Variants in CEP57 observed in about 807,000 individuals in gnomAD.
The protein encoded by CEP57 is centrosomal protein 57, also known as centrosomal protein of 57 kDa.
Under a neutral mutation model 68.0 loss-of-function variants are expected in CEP57, and 40 were observed. The ratio of observed to expected loss-of-function variants is 0.59; its 90% CI spans 0.46 to 0.77. The LOEUF (loss-of-function observed/expected upper bound fraction) is 0.77, where lower values mean the gene tolerates loss of function less well. CEP57 is among the 30% of genes least tolerant of loss of function. The probability of loss-of-function intolerance (pLI) is 0.00; values close to 1 mark genes in which losing one functional copy is unlikely to be tolerated. For missense variants in CEP57, 606 were observed against 580.7 expected (o/e 1.04, Z -0.45); for synonymous variants, 219 against 198.7 (o/e 1.10, Z -0.86).
At chr11:95,797,106 C>G (rs1434770721) in intron 1 of CEP57, among the ~76,000 whole-genome samples, 1 of 151,942 alleles carries the variant, frequency 6.6e-6, no homozygotes, top group Non-Finnish European at 1.5e-5. Flanking sequence ...TGTCCCTTAC[C>G]TCCCCTAAGG....
chr11:95,824,250 AT>A (rs201670241), intron 8 of CEP57, among the ~76,000 whole-genome samples: 2 of 151,766 alleles, frequency 1.3e-5, no homozygotes, highest in Non-Finnish European at 2.9e-5. Flanking sequence ...TCTTTAAAAA[AT>A]TTTTTTTAAA....
chr11:95,802,455 A>C (rs1181577878), intron 2 of CEP57, among the ~76,000 whole-genome samples: 1 of 151,958 alleles, frequency 6.6e-6, no homozygotes, highest in African/African-American at 2.4e-5. Context: ...GGGTTTAACC[A>C]TGTTGGCCAG....
At chr11:95,825,870 TTCTGTAATCCC>T (rs1862720652) in intron 8 of CEP57, 1 of 152,204 alleles carries the variant, frequency 6.6e-6, no homozygotes, top group African/African-American at 2.4e-5. Flanking sequence ...AGTGCTGGGA[TTCTGTAATCCC>T]ACTGTAATCC....
chr11:95,811,580 TAAAA>T (rs57349391), intron 2 of CEP57, among the ~76,000 whole-genome samples: 2 of 132,778 alleles, frequency 1.5e-5, no homozygotes, highest in African/African-American at 5.5e-5. Context: ...AAAGTATAAT[TAAAA>T]AAAAAAAAAA....
chr11:95,813,164 T>G, intron 3 of CEP57, 53 bp downstream of exon 3: 1 of 1,530,956 alleles, frequency 6.5e-7, no homozygotes, highest in Non-Finnish European at 9.0e-7. Flanking sequence ...TGTGCAGTAT[T>G]AAGTATTCTA....
intron 2 of CEP57, among the ~76,000 whole-genome samples, chr11:95,808,868 C>T (rs1861926729): frequency 6.6e-6 from 1 of 152,182 alleles, no homozygotes; most frequent in Non-Finnish European, 1.5e-5. Flanking sequence ...TAGACATCTA[C>T]AGAACTCTCC....
At chr11:95,829,143 AAC>A in intron 9 of CEP57, 42 bp from the exon 10 acceptor site, 1 of 1,609,242 alleles carries the variant, frequency 6.2e-7, no homozygotes, top group Non-Finnish European at 8.5e-7. Context: ...CTAACCATGA[AAC>A]ACAGAAAACT....
At chr11:95,794,667 A>T (rs1861260498) in intron 1 of CEP57, among the ~76,000 whole-genome samples, 1 of 151,928 alleles carries the variant, frequency 6.6e-6, no homozygotes, top group African/African-American at 2.4e-5. Context: ...CTGGTCTTTG[A>T]TATCTTTCGA....
chr11:95,795,690 C>T, intron 1 of CEP57: 1 of 427,980 alleles, frequency 2.3e-6, no homozygotes, highest in Non-Finnish European at 4.1e-6. Context: ...AAAATAATGG[C>T]TGGATGTTGA....
chr11:95,804,959 T>A (rs925144192), intron 2 of CEP57, among the ~76,000 whole-genome samples: 3 of 152,178 alleles, frequency 2.0e-5, no homozygotes, highest in Non-Finnish European at 4.4e-5. Flanking sequence ...CGTTACGCAT[T>A]TAAACAGGGA....
intron 8 of CEP57, chr11:95,826,755 G>C (rs1234792419): frequency 6.6e-6 from 1 of 152,132 alleles, no homozygotes; most frequent in South Asian, 2.1e-4. Context: ...TGTACTCATA[G>C]GCAATTAGTA....
At chr11:95,799,421 T>G in intron 2 of CEP57, 33 bp downstream of exon 2, 3 of 1,612,482 alleles carry the variant, frequency 1.9e-6, no homozygotes, top group Non-Finnish European at 2.5e-6. Context: ...ATGTTATTTG[T>G]GTTTTCTTGC....
intron 8 of CEP57, among the ~76,000 whole-genome samples, chr11:95,823,507 C>T (rs1862598608): frequency 6.6e-6 from 1 of 151,926 alleles, no homozygotes; most frequent in Non-Finnish European, 1.5e-5. Context: ...TTGACTATGT[C>T]AATACTAGTG....
intron 1 of CEP57, among the ~76,000 whole-genome samples, chr11:95,791,784 A>G (rs978273740): frequency 6.6e-5 from 10 of 152,152 alleles, no homozygotes; most frequent in African/African-American, 2.2e-4. Context: ...AAAGGAGAAA[A>G]AGGCAGTGCG....
Position 95,829,314 on chromosome 11 carries a change from C to A in CEP57, c.1255C>A (p.Arg419=). ...AAAAGCCAACCAAATAACTAAAGTTCGAAAATACCAAGCCCAGGTAACTCA... is the reference window on the plus strand; with the variant it reads ...AAAAGCCAACCAAATAACTAAAGTTAGAAAATACCAAGCCCAGGTAACTCA... ...EAKANQITKV[R]KYQAQLEKQK... Residue 419 remains arginine (R), a synonymous_variant, in exon 10 of 11, where the codon CGA becomes AGA. Coordinates refer to ENST00000325542, the MANE Select transcript of CEP57 (RefSeq NM_014679.5). 6.2e-7 allele frequency: 1 copy of A among 1,613,360 alleles called. No individual in the cohort carries two copies.
At chr11:95,829,860 G>C (rs1289743597) in intron 10 of CEP57, among the ~76,000 whole-genome samples, 1 of 152,180 alleles carries the variant, frequency 6.6e-6, no homozygotes, top group African/African-American at 2.4e-5. Context: ...GAGAGGCTGA[G>C]AGATCAGCTA....
At chr11:95,791,119 T>C (rs886121973) in intron 1 of CEP57, among the ~76,000 whole-genome samples, 1 of 152,168 alleles carries the variant, frequency 6.6e-6, no homozygotes, top group Non-Finnish European at 1.5e-5. Flanking sequence ...CCAGATCAGG[T>C]GAGGCGCGCC....
At chr11:95,805,319 A>C (rs1425669303) in intron 2 of CEP57, among the ~76,000 whole-genome samples, 1 of 152,098 alleles carries the variant, frequency 6.6e-6, no homozygotes, top group African/African-American at 2.4e-5. Flanking sequence ...TATTAATCTT[A>C]TATTTAGGCT....
chr11:95,816,223 A>C (rs753413756), intron 4 of CEP57, among the ~76,000 whole-genome samples: 33 of 152,132 alleles, frequency 2.2e-4, no homozygotes, highest in Non-Finnish European at 4.7e-4. Flanking sequence ...GTGCAGAGCA[A>C]GGTGGGGAAA....
Sources: allele counts gnomAD v4.1 joint callset (sites outside exome capture counted in the v4.1 genomes callset), GRCh38; gene constraint gnomAD v4.1.1; transcripts MANE v1.5; gene names NCBI Gene and HGNC (gene_info 2026-07-23, HGNC 2026-07-21).